The following BST1 variants were observed in gnomAD, a reference collection of about 807,000 sequenced individuals.
BST1 encodes ADP-ribosyl cyclase/cyclic ADP-ribose hydrolase 2.
Under a neutral mutation model 40.6 loss-of-function variants are expected in BST1, and 49 were observed. The observed-to-expected ratio is 1.21, with a 90% CI of 0.96 to 1.53. BST1 has a LOEUF of 1.53. Among genes scored for constraint, BST1 ranks in the 40% most tolerant of loss-of-function variants. The pLI is 0.00. For synonymous variants in BST1, 157 were observed against 159.3 expected, an observed-to-expected ratio of 0.99 and a Z score of 0.11; for missense variants, 423 against 395.9, an observed-to-expected ratio of 1.07 and a Z score of -0.58.
At chr4:15,737,097 T>C (rs1188048459), downstream of BST1, among the ~76,000 whole-genome samples, 1 of 152,168 alleles carries the variant, frequency 6.6e-6, no homozygotes, top group African/African-American at 2.4e-5. Context: ...TGTGTGTAAG[T>C]AGGGATTATA....
the BST1 span, among the ~76,000 whole-genome samples, chr4:15,767,359 A>G: frequency 2.0e-5 from 3 of 150,992 alleles, no homozygotes; most frequent in African/African-American, 7.3e-5. Context: ...GCTGGAGTGT[A>G]ATGGTGTGAT....
chr4:15,733,606 C>T (rs1721462955), downstream of BST1, among the ~76,000 whole-genome samples: 1 of 152,216 alleles, frequency 6.6e-6, no homozygotes, highest in Non-Finnish European at 1.5e-5. Context: ...GGGGAGGCCT[C>T]AGGAAACTTA....
chr4:15,757,987 A>G, the BST1 span, among the ~76,000 whole-genome samples: 1 of 152,190 alleles, frequency 6.6e-6, no homozygotes, highest in Non-Finnish European at 1.5e-5. Context: ...AAACCCAATA[A>G]CATCAGCATT....
the BST1 span, among the ~76,000 whole-genome samples, chr4:15,749,683 A>T: frequency 7.0e-6 from 1 of 142,778 alleles, no homozygotes; most frequent in Admixed American, 7.0e-5. Context: ...ACTTTTTATT[A>T]TTTGAAATTT....
the BST1 span, among the ~76,000 whole-genome samples, chr4:15,766,676 C>T: frequency 0.067 from 10,068 of 150,708 alleles, 567 homozygotes; most frequent in East Asian, 0.2. Context: ...GTGGCATCAA[C>T]GAGCATGCTT....
rs566213308 is a variant in BST1, at chr4:15,727,843, A to T, written c.852-3897A>T. Among the ~76,000 whole-genome samples, 7 of 152,104 alleles carry T rather than the reference A, an allele frequency of 4.6e-5. No homozygotes were observed. The South Asian group carries it at 1.5e-3, about 32-fold the overall frequency. ...AGAGCATTCTTTATAATACTGAAAT[A>T]CTGGGAACTGGACTCAAATATCCAC... On this transcript the variant is annotated intron_variant, in intron 8 of 8. Coordinates refer to ENST00000265016, the MANE Select transcript of BST1 (RefSeq NM_004334.3).
At chr4:15,767,830 A>G in the BST1 span, among the ~76,000 whole-genome samples, 1 of 151,830 alleles carries the variant, frequency 6.6e-6, no homozygotes, top group Non-Finnish European at 1.5e-5. Flanking sequence ...CATGTTGGCC[A>G]GGCTGGTCTC....
chr4:15,703,182 A>G lies in BST1; in HGVS notation c.38A>G (p.Gln13Arg). 2 of 1,562,216 alleles carry G rather than the reference A, an allele frequency of 1.3e-6. No homozygotes were observed. Among genetic ancestry groups the G allele is most frequent in the Non-Finnish European group, 1.7e-6 (2 of 1,154,972 alleles). Residue 13 changes from glutamine to arginine, a missense_variant, in exon 1 of 9, where the codon CAG becomes CGG. By Grantham distance (43) the Gln-to-Arg change is conservative. Transcript: ENST00000265016. ...GGGTGCGCGGCATCGCGGCTGCTCC[A>G]GCTGCTGCTGCAGCTTCTGCTTCTA... Reference protein sequence around the residue: ...AQGCAASRLLQLLLQLLLLLL... With the variant: ...AQGCAASRLLRLLLQLLLLLL...
At chr4:15,711,775 G>C (rs1219633194) in intron 3 of BST1, 32 bp from the exon 4 acceptor site, 2 of 1,505,280 alleles carry the variant, frequency 1.3e-6, no homozygotes, top group South Asian at 2.3e-5. Flanking sequence ...ATAATCTTTG[G>C]AATAAAATGT....
chr4:15,733,774 A>G (rs1035538962), downstream of BST1, among the ~76,000 whole-genome samples: 3 of 152,188 alleles, frequency 2.0e-5, no homozygotes, highest in African/African-American at 7.2e-5. Flanking sequence ...AACCATCCGA[A>G]ACCACCTCCG....
the BST1 span, among the ~76,000 whole-genome samples, chr4:15,771,086 T>G: frequency 1.2e-4 from 18 of 152,198 alleles, no homozygotes; most frequent in Non-Finnish European, 2.5e-4. Context: ...TTAATATTTG[T>G]TGAATAAATG....
chr4:15,758,427 T>A, the BST1 span, among the ~76,000 whole-genome samples: 3 of 152,228 alleles, frequency 2.0e-5, no homozygotes, highest in African/African-American at 7.2e-5. Flanking sequence ...TCAATACACT[T>A]AGGACAATGG....
the BST1 span, among the ~76,000 whole-genome samples, chr4:15,768,480 CTTTTTTTTTTT>C: frequency 9.9e-5 from 9 of 91,090 alleles, no homozygotes; most frequent in East Asian, 3.1e-3. Flanking sequence ...TGGACAGTAT[CTTTTTTTTTTT>C]TTTTTTTTTT....
At chr4:15,764,131 G>T in the BST1 span, among the ~76,000 whole-genome samples, 1 of 152,004 alleles carries the variant, frequency 6.6e-6, no homozygotes, top group Non-Finnish European at 1.5e-5. Flanking sequence ...TGATAGTGGA[G>T]GAGACTGTGC....
intron 4 of BST1, among the ~76,000 whole-genome samples, 158 bp downstream of exon 4, chr4:15,712,047 G>A (rs1410627577): frequency 6.6e-6 from 1 of 152,194 alleles, no homozygotes; most frequent in East Asian, 1.9e-4. Flanking sequence ...GCTATATAAA[G>A]TTGTGAGAAT....
chr4:15,711,713 G>A, intron 3 of BST1, 94 bp from the exon 4 acceptor site: 1 of 989,266 alleles, frequency 1.0e-6, no homozygotes, highest in Non-Finnish European at 1.6e-6. Context: ...TGGAAGCTAA[G>A]TATACATCAT....
downstream of BST1, among the ~76,000 whole-genome samples, chr4:15,741,874 G>T (rs1300875339): frequency 6.6e-6 from 1 of 152,238 alleles, no homozygotes; most frequent in East Asian, 1.9e-4. Flanking sequence ...ATGGCCTAAA[G>T]TCTGAGGGAT....
chr4:15,753,701 G>T, the BST1 span, among the ~76,000 whole-genome samples: 162 of 152,352 alleles, frequency 1.1e-3, 1 homozygote, highest in African/African-American at 3.8e-3. Flanking sequence ...TGCCTTGCAG[G>T]CAGGGAGAGT....
At chr4:15,760,525 G>A in the BST1 span, among the ~76,000 whole-genome samples, 2 of 151,654 alleles carry the variant, frequency 1.3e-5, no homozygotes, top group Admixed American at 1.3e-4. Context: ...CTGAGGGCAG[G>A]GATTTTTGTC....
Sources: gnomAD v4.1 joint callset for allele counts (sites outside exome capture counted in the v4.1 genomes callset) on GRCh38, gnomAD v4.1.1 for gene constraint, MANE v1.5 for transcripts, NCBI Gene and HGNC (gene_info 2026-07-23, HGNC 2026-07-21) for gene names.